UMAD1: variants seen among roughly 807,000 people sequenced by gnomAD.
UMAD1 encodes the protein UBAP1-MVB12-associated (UMA)-domain containing protein 1.
In UMAD1, 8 loss-of-function variants were observed where a neutral mutation model predicts 6.1. The observed-to-expected ratio is 1.30, with a 90% confidence interval of 0.76 to 2.35. The LOEUF (loss-of-function observed/expected upper bound fraction) is 2.35. UMAD1 is among the 30% of genes most tolerant of loss of function. The pLI, the probability that UMAD1 is intolerant of heterozygous loss-of-function variation, is 0.00. For synonymous variants in UMAD1, 56 were observed against 31.4 expected (o/e 1.78, Z -2.61); for missense variants, 130 against 78.4 (o/e 1.66, Z -2.49).
At chr7:7,785,428 G>A (rs990895076) in intron 2 of UMAD1, among the ~76,000 whole-genome samples, 3 of 152,102 alleles carry the variant, frequency 2.0e-5, no homozygotes, top group Non-Finnish European at 4.4e-5. Flanking sequence ...GAACCGAAGG[G>A]ATGAAAAGGG....
chr7:7,717,374 A>G (rs1311327301), intron 2 of UMAD1, among the ~76,000 whole-genome samples: 2 of 152,100 alleles, frequency 1.3e-5, no homozygotes, highest in African/African-American at 2.4e-5. Flanking sequence ...TCTTTCATCT[A>G]TTAAAACTCC....
At chr7:7,802,075 A>G (rs575516863) in intron 3 of UMAD1, among the ~76,000 whole-genome samples, 40 of 152,268 alleles carry the variant, frequency 2.6e-4, no homozygotes, top group Non-Finnish European at 5.4e-4. Flanking sequence ...ACTTGTAGAG[A>G]AAGGCTTAAA....
At chr7:7,695,290 G>GT (rs1272140732) in intron 2 of UMAD1, among the ~76,000 whole-genome samples, 3 of 152,124 alleles carry the variant, frequency 2.0e-5, no homozygotes, top group Non-Finnish European at 2.9e-5. Flanking sequence ...CCCCACCACA[G>GT]TTTATCTCAT....
intron 2 of UMAD1, among the ~76,000 whole-genome samples, chr7:7,678,416 AT>A (rs1207553536): frequency 8.3e-5 from 12 of 144,322 alleles, no homozygotes; most frequent in South Asian, 4.2e-4. Flanking sequence ...ATATAAAAAA[AT>A]ATATTTATAT....
intron 2 of UMAD1, among the ~76,000 whole-genome samples, chr7:7,724,344 G>C (rs941270531): frequency 6.6e-6 from 1 of 152,070 alleles, no homozygotes; most frequent in East Asian, 1.9e-4. Flanking sequence ...TGTCCAGTGG[G>C]TCCCCAGACT....
chr7:7,845,874 A>G (rs1279250015), intron 3 of UMAD1, among the ~76,000 whole-genome samples: 1 of 152,158 alleles, frequency 6.6e-6, no homozygotes, highest in Non-Finnish European at 1.5e-5. Context: ...ATGTTAGCAT[A>G]TAACTGGGAA....
intron 3 of UMAD1, among the ~76,000 whole-genome samples, chr7:7,847,397 A>C (rs1027338470): frequency 2.0e-5 from 3 of 151,570 alleles, no homozygotes; most frequent in Non-Finnish European, 4.4e-5. Context: ...TCACCATTTC[A>C]TTAGAGAGGC....
intron 2 of UMAD1, among the ~76,000 whole-genome samples, chr7:7,753,479 A>G (rs1055021210): frequency 2.0e-5 from 3 of 152,038 alleles, no homozygotes; most frequent in South Asian, 2.1e-4. Flanking sequence ...CATAAGTTCA[A>G]TTGTTTTGAT....
chr7:7,841,371 A>G (rs1404765390), intron 3 of UMAD1, among the ~76,000 whole-genome samples: 2 of 150,320 alleles, frequency 1.3e-5, no homozygotes, highest in African/African-American at 2.5e-5. Context: ...CTGGAGTGCA[A>G]TGGCACGATC....
intron 3 of UMAD1, among the ~76,000 whole-genome samples, chr7:7,818,640 T>A (rs538922237): frequency 1.3e-5 from 2 of 152,302 alleles, no homozygotes; most frequent in South Asian, 4.1e-4. Flanking sequence ...AAATACCATT[T>A]GACCCAGCAA....
At position 7,693,699 on chromosome 7, in the gene UMAD1, T is replaced by C. The variant is rs146632632; in HGVS notation, c.82+20246T>C. 3.7e-4 allele frequency among the ~76,000 whole-genome samples: 56 copies of C among 152,272 alleles called. No homozygotes were observed. The East Asian group carries it at 9.1e-3, about 25-fold the overall frequency. Reference sequence around the variant, plus strand: ...TGCCTTGTTTATTTTATAATGACTTTATTACAATTTTAATAATTTAGCAAT... The same window carrying C: ...TGCCTTGTTTATTTTATAATGACTTCATTACAATTTTAATAATTTAGCAAT... On this transcript the variant is annotated intron_variant, in intron 2 of 3. Coordinates refer to ENST00000682710, the MANE Select transcript of UMAD1 (RefSeq NM_001302348.2).
chr7:7,732,276 A>G (rs1181935287), intron 2 of UMAD1, among the ~76,000 whole-genome samples: 2 of 152,180 alleles, frequency 1.3e-5, no homozygotes, highest in African/African-American at 4.8e-5. Context: ...AAATTTACTA[A>G]TTGTCCTTAA....
chr7:7,665,571 A>T (rs1341244524), intron 1 of UMAD1, among the ~76,000 whole-genome samples: 2 of 152,186 alleles, frequency 1.3e-5, no homozygotes, highest in Middle Eastern at 3.2e-3. Flanking sequence ...ATACAATTTG[A>T]TGAGTTTTGA....
chr7:7,659,364 T>C (rs1044544671), intron 1 of UMAD1, among the ~76,000 whole-genome samples: 1 of 152,190 alleles, frequency 6.6e-6, no homozygotes, highest in African/African-American at 2.4e-5. Flanking sequence ...ATTTGTTTGC[T>C]CTTGCTTCTC....
intron 2 of UMAD1, among the ~76,000 whole-genome samples, chr7:7,764,850 A>C (rs185147131): frequency 6.6e-6 from 1 of 152,048 alleles, no homozygotes; most frequent in East Asian, 1.9e-4. Context: ...TGACTGCTTT[A>C]CTTCTGATCT....
intron 2 of UMAD1, among the ~76,000 whole-genome samples, chr7:7,681,208 GTTGT>G (rs1265554216): frequency 6.6e-6 from 1 of 152,112 alleles, no homozygotes; most frequent in African/African-American, 2.4e-5. Flanking sequence ...AGTAAATTAT[GTTGT>G]TTAAGCTATA....
At chr7:7,787,569 G>C (rs1782484136) in intron 2 of UMAD1, among the ~76,000 whole-genome samples, 1 of 152,112 alleles carries the variant, frequency 6.6e-6, no homozygotes, top group African/African-American at 2.4e-5. Context: ...TATATTTCAT[G>C]TTATTTACCT....
At chr7:7,659,043 T>C (rs185016486) in intron 1 of UMAD1, among the ~76,000 whole-genome samples, 3 of 152,352 alleles carry the variant, frequency 2.0e-5, no homozygotes, top group African/African-American at 7.2e-5. Context: ...GGAAGGTGTA[T>C]GTGTCCAGGA....
At chr7:7,800,560 C>T (rs981268827) in intron 2 of UMAD1, among the ~76,000 whole-genome samples, 2 of 152,020 alleles carry the variant, frequency 1.3e-5, no homozygotes, top group Non-Finnish European at 2.9e-5. Flanking sequence ...GTACACTATA[C>T]CCAAAGTATA....
Sources: allele counts gnomAD v4.1 joint callset (sites outside exome capture counted in the v4.1 genomes callset), GRCh38; gene constraint gnomAD v4.1.1; transcripts MANE v1.5; gene names NCBI Gene and HGNC (gene_info 2026-07-23, HGNC 2026-07-21).